The following MAGI2 variants were observed in gnomAD, a reference collection of about 807,000 sequenced individuals.
The protein encoded by MAGI2 is membrane-associated guanylate kinase, WW and PDZ domain-containing protein 2.
In MAGI2, 35 loss-of-function variants were observed where a neutral mutation model predicts 133.3. That is an observed-to-expected ratio of 0.26 (90% CI 0.20 to 0.35). The LOEUF (loss-of-function observed/expected upper bound fraction) is 0.35, where lower values mean the gene tolerates loss of function less well. MAGI2 is among the 10% of genes least tolerant of loss of function. The pLI is 1.00. For missense variants in MAGI2, 1,636 were observed against 1,863.4 expected (o/e 0.88, Z 2.25); for synonymous variants, 729 against 710.6 (o/e 1.03, Z -0.41).
chr7:79,046,730 T>C (rs1458438604), intron 1 of MAGI2, among the ~76,000 whole-genome samples: 2 of 152,222 alleles, frequency 1.3e-5, no homozygotes, highest in African/African-American at 4.8e-5. Flanking sequence ...CACTGAAGTC[T>C]TGTAAATCAG....
At chr7:79,090,701 T>C (rs1376067934) in intron 1 of MAGI2, among the ~76,000 whole-genome samples, 2 of 152,164 alleles carry the variant, frequency 1.3e-5, no homozygotes, top group African/African-American at 4.8e-5. Context: ...AGCTGATAGA[T>C]GACAATGCCA....
chr7:78,863,047 G>A (rs1347448499), intron 2 of MAGI2, among the ~76,000 whole-genome samples: 2 of 152,200 alleles, frequency 1.3e-5, no homozygotes, highest in Non-Finnish European at 2.9e-5. Flanking sequence ...TAAGGAAAAG[G>A]TCTTTATGTG....
chr7:79,417,819 C>CT (rs1361121396), intron 1 of MAGI2, among the ~76,000 whole-genome samples: 3 of 151,554 alleles, frequency 2.0e-5, no homozygotes, highest in Non-Finnish European at 2.9e-5. Flanking sequence ...CAATGAAGTT[C>CT]TTTTTTTAAT....
intron 1 of MAGI2, among the ~76,000 whole-genome samples, chr7:79,040,603 C>T (rs1373518512): frequency 6.6e-6 from 1 of 152,076 alleles, no homozygotes; most frequent in Non-Finnish European, 1.5e-5. Context: ...CCATAATCCC[C>T]ACATGTCAAG....
chr7:78,540,197 C>T (rs1278028345), intron 3 of MAGI2, among the ~76,000 whole-genome samples: 2 of 152,164 alleles, frequency 1.3e-5, no homozygotes, highest in Admixed American at 6.5e-5. Flanking sequence ...GAAAGACCAT[C>T]AGGTAGGGGC....
chr7:78,814,797 A>T (rs1789413815), intron 2 of MAGI2, among the ~76,000 whole-genome samples: 1 of 152,144 alleles, frequency 6.6e-6, no homozygotes, highest in Admixed American at 6.5e-5. Context: ...ATCATGGCTC[A>T]CTGCAGCCTC....
chr7:78,590,325 A>G (rs1342397801), intron 3 of MAGI2, among the ~76,000 whole-genome samples: 1 of 152,098 alleles, frequency 6.6e-6, no homozygotes, highest in Non-Finnish European at 1.5e-5. Context: ...GAGGGTTTCA[A>G]AAGAACAGTT....
In MAGI2 at chr7:78,271,181, G is replaced by T. The variant is rs556276358; in HGVS notation, c.1409-14600C>A. 1.2e-3 allele frequency among the ~76,000 whole-genome samples: 186 copies of T among 152,186 alleles called. 1 individual carries two copies. Among genetic ancestry groups the T allele is most frequent in the African/African-American group, 4.0e-3 (166 of 41,528 alleles). On this transcript the variant is annotated intron_variant, in intron 9 of 21. Coordinates refer to ENST00000354212, the MANE Select transcript of MAGI2 (RefSeq NM_012301.4). Reference sequence around the variant, plus strand: ...TATTGAGAGTTTTTAGCATGAAGGGGTGTTGAATTTTATCAAAGGCCTTTT... The same window carrying T: ...TATTGAGAGTTTTTAGCATGAAGGGTTGTTGAATTTTATCAAAGGCCTTTT...
At chr7:79,206,400 T>C (rs893059920) in intron 1 of MAGI2, among the ~76,000 whole-genome samples, 8 of 151,614 alleles carry the variant, frequency 5.3e-5, no homozygotes, top group African/African-American at 1.9e-4. Flanking sequence ...TTACAGCTAA[T>C]ACAACAGAAA....
chr7:78,224,859 C>T (rs1217879517), intron 10 of MAGI2, among the ~76,000 whole-genome samples: 2 of 152,010 alleles, frequency 1.3e-5, no homozygotes, highest in Non-Finnish European at 1.5e-5. Flanking sequence ...ATGTCTCTAC[C>T]GTCACTCAGC....
At chr7:78,047,409 T>C (rs1811544949) in intron 21 of MAGI2, among the ~76,000 whole-genome samples, 1 of 152,202 alleles carries the variant, frequency 6.6e-6, no homozygotes, top group Admixed American at 6.5e-5. Context: ...TGTTGCCTTT[T>C]AGAAGGCCGC....
At chr7:78,901,728 G>A (rs776753592) in intron 2 of MAGI2, among the ~76,000 whole-genome samples, 23 of 151,884 alleles carry the variant, frequency 1.5e-4, no homozygotes, top group Non-Finnish European at 2.4e-4. Flanking sequence ...TTAAGTGATC[G>A]GTTCTTGTCA....
intron 1 of MAGI2, among the ~76,000 whole-genome samples, chr7:79,429,550 C>G (rs1847633713): frequency 6.6e-6 from 1 of 152,120 alleles, no homozygotes; most frequent in African/African-American, 2.4e-5. Flanking sequence ...AGTGATCCGC[C>G]TGCTGTAGCC....
At chr7:78,745,498 C>T (rs1822842862) in intron 2 of MAGI2, among the ~76,000 whole-genome samples, 1 of 151,684 alleles carries the variant, frequency 6.6e-6, no homozygotes, top group South Asian at 2.1e-4. Flanking sequence ...AAGGTGTGTG[C>T]TTTCTAATAA....
intron 10 of MAGI2, among the ~76,000 whole-genome samples, chr7:78,244,421 T>C (rs1247443859): frequency 6.6e-6 from 1 of 151,970 alleles, no homozygotes; most frequent in Non-Finnish European, 1.5e-5. Context: ...GTACCCTTCC[T>C]CCCACCAAAC....
At chr7:78,613,503 T>C (rs1292624523) in intron 3 of MAGI2, among the ~76,000 whole-genome samples, 1 of 152,182 alleles carries the variant, frequency 6.6e-6, no homozygotes, top group African/African-American at 2.4e-5. Context: ...GGATATAAAG[T>C]TGAACTATAG....
chr7:78,538,920 C>T (rs1007736545), intron 3 of MAGI2, among the ~76,000 whole-genome samples: 25 of 152,302 alleles, frequency 1.6e-4, no homozygotes, highest in Non-Finnish European at 2.4e-4. Context: ...GAATAGAATA[C>T]TACCTCACAT....
At chr7:78,990,939 C>G (rs1474955966) in intron 2 of MAGI2, among the ~76,000 whole-genome samples, 3 of 147,826 alleles carry the variant, frequency 2.0e-5, no homozygotes, top group African/African-American at 7.6e-5. Flanking sequence ...CACACACACA[C>G]ACAGAGATAT....
intron 6 of MAGI2, among the ~76,000 whole-genome samples, chr7:78,458,385 C>G (rs1789576927): frequency 6.6e-6 from 1 of 151,502 alleles, no homozygotes; most frequent in Admixed American, 6.6e-5. Flanking sequence ...TTCAACACCA[C>G]AGGCTTGAAG....
Sources: allele counts gnomAD v4.1 joint callset (sites outside exome capture counted in the v4.1 genomes callset), GRCh38; gene constraint gnomAD v4.1.1; transcripts MANE v1.5; gene names NCBI Gene and HGNC (gene_info 2026-07-23, HGNC 2026-07-21).